Variants in HS6ST3 observed in about 807,000 individuals in gnomAD.
HS6ST3 encodes heparan sulfate 6-O-sulfotransferase 3.
A neutral mutation model predicts 36.7 loss-of-function variants in HS6ST3; 12 were observed. That is an observed-to-expected ratio of 0.33 (90% CI 0.21 to 0.53). The LOEUF (loss-of-function observed/expected upper bound fraction) is 0.53. HS6ST3 is among the 20% of genes least tolerant of loss of function. The pLI is 0.95. For synonymous variants in HS6ST3, 240 were observed against 257.5 expected (o/e 0.93, Z 0.65); for missense variants, 584 against 640.9 (o/e 0.91, Z 0.96).
chr13:96,668,649 G>A (rs1295984527), intron 1 of HS6ST3, among the ~76,000 whole-genome samples: 1 of 137,436 alleles, frequency 7.3e-6, no homozygotes, highest in African/African-American at 2.7e-5. Context: ...GGGAAAAGAG[G>A]AAGATAAGAG....
chr13:96,622,627 A>G (rs1039412031), intron 1 of HS6ST3, among the ~76,000 whole-genome samples: 1 of 152,024 alleles, frequency 6.6e-6, no homozygotes, highest in African/African-American at 2.4e-5. Flanking sequence ...AAAATATCTT[A>G]TTTCTGTCTC....
At chr13:96,516,299 C>G (rs944568128) in intron 1 of HS6ST3, among the ~76,000 whole-genome samples, 1 of 152,072 alleles carries the variant, frequency 6.6e-6, no homozygotes, top group Non-Finnish European at 1.5e-5. Context: ...CTCCTGACCT[C>G]AAGTGATCTG....
chr13:96,679,449 A>G (rs1476826885), intron 1 of HS6ST3, among the ~76,000 whole-genome samples: 1 of 151,950 alleles, frequency 6.6e-6, no homozygotes, highest in Non-Finnish European at 1.5e-5. Context: ...GCAGCTGTAC[A>G]TCTTCTTCAT....
intron 1 of HS6ST3, among the ~76,000 whole-genome samples, chr13:96,421,086 T>C (rs757298420): frequency 2.0e-5 from 3 of 152,222 alleles, no homozygotes; most frequent in Non-Finnish European, 2.9e-5. Flanking sequence ...CTCTGGAGGT[T>C]ACTTACAGGT....
At position 96,224,334 on chromosome 13, in the gene HS6ST3, C is replaced by CT. The variant is rs200207973; in HGVS notation, c.707+132775dup. On this transcript the variant is annotated intron_variant, in intron 1 of 1. Coordinates refer to ENST00000376705, the MANE Select transcript of HS6ST3 (RefSeq NM_153456.4). ...GAAATTTGAGATGAGCTGTTTGTCA[C>CT]TTTTTTTTTTAAGTGTCTCTCCGTC... is the stretch of plus-strand genomic sequence containing the variant. Among the ~76,000 whole-genome samples the CT allele has an allele frequency of 1.5e-4, 22 of 149,124 alleles. 1 individual carries two copies. The highest frequency in any genetic ancestry group is 4.3e-4 in the South Asian group (2 of 4,692).
intron 1 of HS6ST3, among the ~76,000 whole-genome samples, chr13:96,588,524 G>A (rs1333204619): frequency 1.3e-5 from 2 of 152,166 alleles, no homozygotes; most frequent in African/African-American, 2.4e-5. Context: ...TCAATGTGAT[G>A]TGCCACATTT....
chr13:96,146,500 G>A (rs907459537), intron 1 of HS6ST3, among the ~76,000 whole-genome samples: 8 of 152,206 alleles, frequency 5.3e-5, no homozygotes, highest in Non-Finnish European at 8.8e-5. Flanking sequence ...TTTGCACATT[G>A]ATTTTAAAAA....
intron 1 of HS6ST3, among the ~76,000 whole-genome samples, chr13:96,599,176 G>A (rs1033104329): frequency 2.6e-5 from 4 of 151,682 alleles, no homozygotes; most frequent in Non-Finnish European, 2.9e-5. Context: ...TAGGCATCAC[G>A]GTGATACTAA....
rs868691548 is a variant in HS6ST3 at position 96,151,419 on chromosome 13, A to T, written c.707+59850A>T. Among the ~76,000 whole-genome samples the T allele has an allele frequency of 3.3e-5, 5 of 152,070 alleles. No individual in the cohort carries two copies. In the South Asian group the frequency reaches 1.0e-3, roughly 32 times the overall value. ...ACTCCATCTTGGAAAAAAAAAAAAA[A>T]AAGAGACTGTCTGGATACAAAATAG... On this transcript the variant is annotated intron_variant, in intron 1 of 1. Transcript: ENST00000376705.
intron 1 of HS6ST3, among the ~76,000 whole-genome samples, chr13:96,706,561 A>T (rs1875433219): frequency 6.6e-6 from 1 of 151,574 alleles, no homozygotes; most frequent in South Asian, 2.1e-4. Flanking sequence ...TCTTCTGAAG[A>T]CCGTGGGTCG....
At chr13:96,611,260 A>G (rs147418830) in intron 1 of HS6ST3, among the ~76,000 whole-genome samples, 435 of 151,966 alleles carry the variant, frequency 2.9e-3, no homozygotes, top group African/African-American at 9.9e-3. Flanking sequence ...CAATTTACCT[A>G]TCAACATTTT....
intron 1 of HS6ST3, among the ~76,000 whole-genome samples, chr13:96,795,079 A>G (rs1877876965): frequency 6.6e-6 from 1 of 152,056 alleles, no homozygotes; most frequent in South Asian, 2.1e-4. Flanking sequence ...AGTTTTAAAA[A>G]AATAGCTCAC....
At position 96,302,264 on chromosome 13, in the gene HS6ST3, G is replaced by A. The variant is rs1422472505; in HGVS notation, c.707+210695G>A. ...ATCAGATTGTCCTACAGAGATTTAT[G>A]TACAAAAAGATCCATTGTTGAGTTA... On this transcript the variant is annotated intron_variant, in intron 1 of 1. Coordinates refer to ENST00000376705, the MANE Select transcript of HS6ST3 (RefSeq NM_153456.4). Among the ~76,000 whole-genome samples the A allele has an allele frequency of 3.3e-5, 5 of 152,132 alleles. No homozygotes were observed. The East Asian group carries it at 9.7e-4, about 29-fold the overall frequency.
chr13:96,776,123 A>G (rs542005628), intron 1 of HS6ST3, among the ~76,000 whole-genome samples: 2 of 152,352 alleles, frequency 1.3e-5, no homozygotes, highest in African/African-American at 4.8e-5. Flanking sequence ...GCAGAAATAA[A>G]TAAGTTCTTT....
intron 1 of HS6ST3, among the ~76,000 whole-genome samples, chr13:96,627,473 G>T (rs2138998753): frequency 6.6e-6 from 1 of 151,930 alleles, no homozygotes; most frequent in South Asian, 2.1e-4. Context: ...ATTTGTATTA[G>T]CCTATTATTT....
At chr13:96,557,992 A>C (rs1039393399) in intron 1 of HS6ST3, among the ~76,000 whole-genome samples, 1 of 152,176 alleles carries the variant, frequency 6.6e-6, no homozygotes, top group African/African-American at 2.4e-5. Flanking sequence ...TAAGTATATA[A>C]ATTCTCTATT....
chr13:96,561,323 C>T, intron 1 of HS6ST3, among the ~76,000 whole-genome samples: 1 of 152,084 alleles, frequency 6.6e-6, no homozygotes, highest in South Asian at 2.1e-4. Flanking sequence ...AGATAGCTGG[C>T]TAGCTATATG....
intron 1 of HS6ST3, among the ~76,000 whole-genome samples, chr13:96,248,353 G>A (rs2054593477): frequency 6.6e-6 from 1 of 152,100 alleles, no homozygotes; most frequent in Admixed American, 6.6e-5. Flanking sequence ...GGCCTTTCCT[G>A]AGTCTCAGTT....
intron 1 of HS6ST3, among the ~76,000 whole-genome samples, chr13:96,295,487 G>C (rs755488983): frequency 6.6e-6 from 1 of 152,038 alleles, no homozygotes; most frequent in Non-Finnish European, 1.5e-5. Context: ...AGGGCTGAGG[G>C]TTCTCCCCAC....
Sources: gnomAD v4.1 joint callset for allele counts (sites outside exome capture counted in the v4.1 genomes callset) on GRCh38, gnomAD v4.1.1 for gene constraint, MANE v1.5 for transcripts, NCBI Gene and HGNC (gene_info 2026-07-23, HGNC 2026-07-21) for gene names.